COBL: variants seen among roughly 807,000 people sequenced by gnomAD.
The protein encoded by COBL is cordon-bleu WH2 repeat protein, also known as protein cordon-bleu.
A neutral mutation model predicts 98.8 loss-of-function variants in COBL; 51 were observed. That is an observed-to-expected ratio of 0.52 (90% confidence interval 0.41 to 0.65). The LOEUF is 0.65. Among genes scored for constraint, COBL ranks in the 30% least tolerant of loss-of-function variants. The pLI, the probability that COBL is intolerant of heterozygous loss-of-function variation, is 0.00. For synonymous variants in COBL, 634 were observed against 651.7 expected (o/e 0.97, Z 0.41); for missense variants, 1,617 against 1,617.5 (o/e 1.00, Z 0.01).
In COBL at chr7:51,029,180, T is replaced by C; in HGVS notation, c.1916A>G (p.His639Arg). Residue 639 changes from histidine to arginine, a missense_variant, in exon 10 of 13, where the codon CAC becomes CGC. By Grantham distance (29) the His-to-Arg change is conservative (BLOSUM62 0). This residue lies in a region of COBL where 1,304 missense variants were observed against 1,282.0 expected (regional missense o/e 1.02). Coordinates refer to ENST00000265136, the MANE Select transcript of COBL (RefSeq NM_015198.5). ...CACTTTTGCATTTAGGTTGTCTGTG[T>C]GAAGATTCGAAGCAAAAGAAGTCAC... ...PRVTSFASNL[H>R]TDNLNAKVKD... is the part of the protein sequence containing the mutation. The C allele has an allele frequency of 1.9e-6, 3 of 1,614,182 alleles. No homozygotes were observed. The highest frequency in any genetic ancestry group is 2.5e-6 in the Non-Finnish European group (3 of 1,180,042).
At chr7:51,285,486 T>C (rs1359727333) in intron 1 of COBL, among the ~76,000 whole-genome samples, 1 of 151,736 alleles carries the variant, frequency 6.6e-6, no homozygotes, top group East Asian at 1.9e-4. Context: ...ATACTAACAA[T>C]CCATAATTAG....
At position 51,279,777 on chromosome 7, in the gene COBL, G is replaced by GAGGGGGGAATC. The variant is rs1799648129; in HGVS notation, c.41+36815_41+36816insGATTCCCCCCT. ...ATTTCCCTAAAAATCCTCTGTTCCT[G>GAGGGGGGAATC]CTCTTTCCCCCTCCTGACCCCTGGC... On this transcript the variant is annotated intron_variant, in intron 1 of 12. Transcript: ENST00000265136. 2.0e-5 allele frequency among the ~76,000 whole-genome samples: 3 copies of GAGGGGGGAATC among 152,104 alleles called. No individual in the cohort carries two copies. The South Asian group carries it at 6.2e-4, about 32-fold the overall frequency.
intron 5 of COBL, among the ~76,000 whole-genome samples, chr7:51,163,495 T>C (rs969575762): frequency 1.3e-5 from 2 of 152,354 alleles, no homozygotes; most frequent in African/African-American, 4.8e-5. Context: ...TTAAGTGCTG[T>C]ACTGCCCTAG....
chr7:51,048,052 A>G (rs1457728033), intron 7 of COBL, among the ~76,000 whole-genome samples: 1 of 152,162 alleles, frequency 6.6e-6, no homozygotes, highest in Admixed American at 6.5e-5. Flanking sequence ...CTGTAATCCC[A>G]GCTACTCGGG....
chr7:51,160,050 G>A (rs959008756), intron 5 of COBL, among the ~76,000 whole-genome samples: 5 of 152,014 alleles, frequency 3.3e-5, no homozygotes, highest in African/African-American at 7.3e-5. Flanking sequence ...CTGCCACCAC[G>A]TCCAGCTAAT....
intron 8 of COBL, among the ~76,000 whole-genome samples, chr7:51,040,428 A>T (rs1291412442): frequency 1.3e-5 from 2 of 152,208 alleles, no homozygotes; most frequent in African/African-American, 4.8e-5. Flanking sequence ...AGTGAAGGAA[A>T]GTGATTGTCC....
At chr7:51,103,559 G>A (rs1040657624) in intron 6 of COBL, among the ~76,000 whole-genome samples, 6 of 152,126 alleles carry the variant, frequency 3.9e-5, no homozygotes, top group African/African-American at 9.6e-5. Context: ...TTTAAAATTC[G>A]TACTATTTTA....
In COBL at chr7:51,187,327, T is replaced by TACACAC. The variant is rs1485148956; in HGVS notation, c.686-3129_686-3128insGTGTGT. Among the ~76,000 whole-genome samples the TACACAC allele has an allele frequency of 6.7e-3, 938 of 139,008 alleles. 6 individuals are homozygous for TACACAC. The highest frequency in any genetic ancestry group is 0.026 in the African/African-American group (888 of 34,226). 91.2% of individuals were successfully genotyped at this position (139,008 alleles called of 152,430 possible). On this transcript the variant is annotated intron_variant, in intron 4 of 12. Coordinates refer to ENST00000265136, the MANE Select transcript of COBL (RefSeq NM_015198.5). ...ATGTTTAAGTATATATATATATATA[T>TACACAC]ATATACACACACACACACACACACA...
chr7:51,117,952 C>G (rs571698443), intron 6 of COBL, among the ~76,000 whole-genome samples: 1 of 152,308 alleles, frequency 6.6e-6, no homozygotes, highest in African/African-American at 2.4e-5. Flanking sequence ...CTTAGCCAGG[C>G]TGCTTGGTAT....
At chr7:51,206,900 G>C (rs181582731) in intron 2 of COBL, among the ~76,000 whole-genome samples, 5 of 152,320 alleles carry the variant, frequency 3.3e-5, no homozygotes, top group African/African-American at 1.2e-4. Context: ...CACAGTTTCT[G>C]TTACGAAGGA....
intron 1 of COBL, among the ~76,000 whole-genome samples, chr7:51,246,317 C>T (rs12530521): frequency 1.3e-5 from 2 of 152,086 alleles, no homozygotes; most frequent in African/African-American, 2.4e-5. Context: ...CAGCAGGGGC[C>T]GCCTCCTCTG....
Position 51,159,500 on chromosome 7 carries a change from G to A in COBL, c.784-23169C>T, listed in dbSNP as rs148288193. Among the ~76,000 whole-genome samples, 639 of 152,332 alleles carry A rather than the reference G, an allele frequency of 4.2e-3. 6 individuals carry two copies. The highest frequency in any genetic ancestry group is 0.015 in the African/African-American group (603 of 41,576). ...GGTCTCTGAAGCAACTTAAATCCAT[G>A]TGCAGGCAAGTGAGATTCTTGTTTT... On this transcript the variant is annotated intron_variant, in intron 5 of 12. Coordinates refer to ENST00000265136, the MANE Select transcript of COBL (RefSeq NM_015198.5).
At chr7:51,129,607 G>A (rs1414487475) in intron 6 of COBL, among the ~76,000 whole-genome samples, 2 of 152,140 alleles carry the variant, frequency 1.3e-5, no homozygotes, top group East Asian at 1.9e-4. Flanking sequence ...CTGGCTTCCT[G>A]AGCTTAGTCT....
chr7:51,243,020 A>C (rs1795939851), intron 1 of COBL, among the ~76,000 whole-genome samples: 1 of 152,198 alleles, frequency 6.6e-6, no homozygotes, highest in South Asian at 2.1e-4. Flanking sequence ...GTATGAAGGG[A>C]CACAGAGCTG....
At chr7:51,181,540 C>T (rs899354506) in intron 5 of COBL, among the ~76,000 whole-genome samples, 8 of 152,220 alleles carry the variant, frequency 5.3e-5, no homozygotes. Context: ...TCAGCCACAC[C>T]TTCTTCCTTT....
chr7:51,135,471 A>T (rs1325103941), intron 6 of COBL, among the ~76,000 whole-genome samples: 1 of 152,098 alleles, frequency 6.6e-6, no homozygotes, highest in African/African-American at 2.4e-5. Flanking sequence ...AGACGGACAT[A>T]CCTGGACAGA....
chr7:51,193,408 C>T lies in COBL; in HGVS notation c.427G>A (p.Val143Ile). The change falls in exon 3 of 13, where the codon GTT becomes ATT. Residue 143 changes from valine (V) to isoleucine (I), a missense_variant. By Grantham distance (29) the Val-to-Ile change is conservative (BLOSUM62 3). Transcript: ENST00000265136. ...GGCACCTTAGGGGGACCAGGCTTAA[C>T]CTTCTCTTCAGGAACTTTTTCTTTC... Reference protein sequence around the residue: ...FLKEKVPEEKVKPGPPKVPEK... With the variant: ...FLKEKVPEEKIKPGPPKVPEK... 1 of 1,614,188 alleles carries T rather than the reference C, an allele frequency of 6.2e-7. No homozygotes were observed. Among genetic ancestry groups the T allele is most frequent in the Non-Finnish European group, 8.5e-7 (1 of 1,180,016 alleles).
intron 5 of COBL, among the ~76,000 whole-genome samples, chr7:51,160,015 C>T (rs1584007781): frequency 6.6e-6 from 1 of 152,304 alleles, no homozygotes; most frequent in South Asian, 2.1e-4. Flanking sequence ...GCCTCAGCCT[C>T]CTGAGTAGCT....
rs1048752367 is a variant in COBL at position 51,269,865 on chromosome 7, G to C, written c.41+46728C>G. On this transcript the variant is annotated intron_variant, in intron 1 of 12. Coordinates refer to ENST00000265136, the MANE Select transcript of COBL (RefSeq NM_015198.5). ...AAGAGGTGCTCTGTCTCCAGACTGA[G>C]GACGTGGCAGGAGAAAGCACCAAAG... Among the ~76,000 whole-genome samples, 8 of 152,206 alleles carry C rather than the reference G, an allele frequency of 5.3e-5. 1 individual carries two copies. Among genetic ancestry groups the C allele is most frequent in the Non-Finnish European group, 1.0e-4 (7 of 68,038 alleles).
Sources: allele counts gnomAD v4.1 joint callset (sites outside exome capture counted in the v4.1 genomes callset), GRCh38; gene constraint gnomAD v4.1.1; regional missense constraint gnomAD v4.1.1; transcripts MANE v1.5; gene names NCBI Gene and HGNC (gene_info 2026-07-23, HGNC 2026-07-21).